Variants in TJP1 observed in about 807,000 individuals in gnomAD.
The protein encoded by TJP1 is tight junction protein ZO-1.
A neutral mutation model predicts 194.2 loss-of-function variants in TJP1; 43 were observed. The ratio of observed to expected loss-of-function variants is 0.22; its 90% CI spans 0.17 to 0.29. The LOEUF is 0.29. Ranked by LOEUF, TJP1 falls within the 10% of genes least tolerant of loss-of-function variation. The pLI is 1.00. For missense variants in TJP1, 1,971 were observed against 2,185.7 expected, an observed-to-expected ratio of 0.90 and a Z score of 1.96; for synonymous variants, 801 against 779.0, an observed-to-expected ratio of 1.03 and a Z score of -0.47.
At chr15:29,879,512 G>C (rs2052847036) in intron 2 of TJP1, among the ~76,000 whole-genome samples, 1 of 152,084 alleles carries the variant, frequency 6.6e-6, no homozygotes, top group Non-Finnish European at 1.5e-5. Context: ...TATTTCTAAG[G>C]CTGCATTAAT....
intron 2 of TJP1, among the ~76,000 whole-genome samples, chr15:29,931,176 T>C (rs2054699600): frequency 6.6e-6 from 1 of 152,190 alleles, no homozygotes; most frequent in Non-Finnish European, 1.5e-5. Flanking sequence ...AGAGAAAATA[T>C]AGTTACTGTT....
chr15:29,720,641 C>A lies in TJP1; in HGVS notation c.2480G>T (p.Gly827Val). The change falls in exon 19 of 28, where the codon GGT (glycine) becomes GTT (valine). Residue 827 changes from glycine to valine, a missense_variant. This residue lies in a region of TJP1 where 402 missense variants were observed against 484.2 expected (regional missense o/e 0.83). Coordinates refer to ENST00000614355, the MANE Select transcript of TJP1 (RefSeq NM_001330239.4). The stretch of plus-strand genomic sequence containing the variant: ...CGTGCTATACATTGAGTATTCACTA[C>A]CTGGAGCTGACAGGTAGGACAGACG... ...DDRLSYLSAP[G>V]SEYSMYSTDS... The A allele has an allele frequency of 6.2e-7, 1 of 1,614,062 alleles. No homozygotes were observed. Among genetic ancestry groups the A allele is most frequent in the Non-Finnish European group, 8.5e-7 (1 of 1,179,990 alleles).
intron 1 of TJP1, among the ~76,000 whole-genome samples, chr15:29,962,492 C>T (rs2056195889): frequency 6.6e-6 from 1 of 152,188 alleles, no homozygotes. Flanking sequence ...ATCTAATAAT[C>T]CTTCTACAAG....
intron 2 of TJP1, among the ~76,000 whole-genome samples, chr15:29,891,040 C>T (rs2053290400): frequency 6.6e-6 from 1 of 152,236 alleles, no homozygotes; most frequent in African/African-American, 2.4e-5. Flanking sequence ...CCTAGAGCAG[C>T]ATCTTTTCCA....
In TJP1 at chr15:29,956,294, G is replaced by A. The variant is rs1403117132; in HGVS notation, c.244C>T (p.Arg82Ter). ...CTTCTGTGTAATCTCCCTTTAATTCGTCTTAAAGAGGGTTTTCCTTGGCTG... is the reference window on the plus strand; with the variant it reads ...CTTCTGTGTAATCTCCCTTTAATTCATCTTAAAGAGGGTTTTCCTTGGCTG... Residue 82 changes from arginine to a stop codon, truncating the protein, a stop_gained, in exon 2 of 29, where the codon CGA (arginine) becomes TGA (stop). Coordinates refer to the TJP1 transcript ENST00000356107. LOFTEE classifies it high-confidence loss of function. The A allele has an allele frequency of 2.3e-6, 3 of 1,288,892 alleles. No individual in the cohort carries two copies. The highest frequency in any genetic ancestry group is 3.0e-6 in the Non-Finnish European group (3 of 988,632). 79.8% of individuals were successfully genotyped at this position (1,288,892 alleles called of 1,614,324 possible).
chr15:29,732,165 G>A, intron 15 of TJP1: 1 of 420,094 alleles, frequency 2.4e-6, no homozygotes. Context: ...TTACCTCAGA[G>A]CATGACTGGG....
At chr15:29,795,629 T>G (rs748573627) in intron 2 of TJP1, among the ~76,000 whole-genome samples, 36 of 152,030 alleles carry the variant, frequency 2.4e-4, no homozygotes, top group Non-Finnish European at 4.3e-4. Context: ...GTACATGAAC[T>G]CTACCAGAAA....
chr15:29,811,075 G>A (rs1213508936), intron 1 of TJP1, among the ~76,000 whole-genome samples: 3 of 152,110 alleles, frequency 2.0e-5, no homozygotes, highest in Non-Finnish European at 4.4e-5. Context: ...AGAGAAAGTT[G>A]ACAGGAAGTA....
chr15:29,805,677 A>G (rs1461610362), intron 1 of TJP1, among the ~76,000 whole-genome samples: 1 of 152,206 alleles, frequency 6.6e-6, no homozygotes, highest in East Asian at 1.9e-4. Context: ...AAATAACTGC[A>G]GCTTTTGCCA....
intron 8 of TJP1, among the ~76,000 whole-genome samples, chr15:29,743,333 T>C (rs1336364280): frequency 1.3e-5 from 2 of 152,208 alleles, no homozygotes; most frequent in Non-Finnish European, 2.9e-5. Context: ...GGGAATTCTT[T>C]AGTTCAAACA....
Position 29,718,902 on chromosome 15 carries a change from G to A in TJP1, c.3240C>T (p.Tyr1080=), listed in dbSNP as rs918102857. ...FSRNYEHRLR[Y]EDRVPMYEEQ... The stretch of plus-strand genomic sequence containing the variant: ...CTTCATACATGGGGACGCGATCTTC[G>A]TATCGCAGACGATGTTCATAGTTTC... Residue 1080 remains tyrosine, a synonymous_variant, in exon 21 of 28, where the codon TAC becomes TAT. Coordinates refer to ENST00000614355, the MANE Select transcript of TJP1 (RefSeq NM_001330239.4). The A allele has an allele frequency of 2.5e-6, 4 of 1,614,066 alleles. No individual in the cohort carries two copies. Among genetic ancestry groups the A allele is most frequent in the Admixed American group, 1.7e-5 (1 of 59,998 alleles).
At chr15:29,904,615 G>T (rs2053746430) in intron 2 of TJP1, among the ~76,000 whole-genome samples, 1 of 151,322 alleles carries the variant, frequency 6.6e-6, no homozygotes, top group Admixed American at 6.6e-5. Flanking sequence ...AACACCACTA[G>T]TAATTACAGA....
chr15:29,964,344 G>A (rs997362899), intron 1 of TJP1, among the ~76,000 whole-genome samples: 5 of 152,024 alleles, frequency 3.3e-5, no homozygotes, highest in African/African-American at 1.2e-4. Flanking sequence ...TTATAAAATG[G>A]AGCATTTATT....
chr15:29,870,782 C>T (rs765872704), intron 2 of TJP1, among the ~76,000 whole-genome samples: 1 of 152,156 alleles, frequency 6.6e-6, no homozygotes, highest in African/African-American at 2.4e-5. Context: ...GAGCCTGCTG[C>T]GAAACAGCAG....
chr15:29,756,093 T>C (rs2045627753), intron 8 of TJP1, among the ~76,000 whole-genome samples: 1 of 152,024 alleles, frequency 6.6e-6, no homozygotes, highest in Admixed American at 6.6e-5. Flanking sequence ...GCAAATCAAA[T>C]ACTCTCTACT....
At chr15:29,750,268 G>A (rs1318012056) in intron 8 of TJP1, among the ~76,000 whole-genome samples, 1 of 152,032 alleles carries the variant, frequency 6.6e-6, no homozygotes, top group East Asian at 1.9e-4. Context: ...CTCCCAAAGT[G>A]CTGGGATTAC....
intron 2 of TJP1, among the ~76,000 whole-genome samples, chr15:29,882,772 C>T (rs2052983574): frequency 6.6e-6 from 1 of 152,130 alleles, no homozygotes; most frequent in Non-Finnish European, 1.5e-5. Flanking sequence ...TTTTAAAAAC[C>T]TGCTGGATCA....
In TJP1 at chr15:29,710,905, G is replaced by C. The variant is rs2042200945; in HGVS notation, c.4298C>G (p.Ser1433Trp). 6.2e-7 allele frequency: 1 copy of C among 1,614,160 alleles called. No homozygotes were observed. Residue 1433 changes from serine to tryptophan, a missense_variant, in exon 24 of 28, where the codon TCG becomes TGG. Physicochemically the swap from Ser to Trp is radical, Grantham distance 177. Around this residue, in one of 5 missense-constraint regions of TJP1, gnomAD observed 1,108 missense variants for 1,128.5 expected, o/e 0.98. Coordinates refer to ENST00000614355, the MANE Select transcript of TJP1 (RefSeq NM_001330239.4). ...QATPPPPPLP[S>W]QYAQPSQPVT... ...AGGCTGAGATGGCTGGGCATACTGCGAGGGCAATGGAGGAGGAGGGGGAGT... is the reference window on the plus strand; with the variant it reads ...AGGCTGAGATGGCTGGGCATACTGCCAGGGCAATGGAGGAGGAGGGGGAGT...
intron 2 of TJP1, among the ~76,000 whole-genome samples, chr15:29,782,645 C>A (rs1186140685): frequency 6.6e-6 from 1 of 152,050 alleles, no homozygotes; most frequent in Non-Finnish European, 1.5e-5. Context: ...GCAAAGATTG[C>A]ATGACAAAGA....
Sources: gnomAD v4.1 joint callset for allele counts (sites outside exome capture counted in the v4.1 genomes callset) on GRCh38, gnomAD v4.1.1 for gene constraint, gnomAD v4.1.1 regional missense constraint, MANE v1.5 for transcripts, NCBI Gene and HGNC (gene_info 2026-07-23, HGNC 2026-07-21) for gene names.